MNAT1: variants seen among roughly 807,000 people sequenced by gnomAD.
MNAT1 encodes CDK-activating kinase assembly factor MAT1.
Under a neutral mutation model 42.0 loss-of-function variants are expected in MNAT1, and 43 were observed. The ratio of observed to expected loss-of-function variants is 1.02; its 90% confidence interval spans 0.80 to 1.32. The LOEUF is 1.32. MNAT1 is among the 40% of genes most tolerant of loss of function. MNAT1 has a pLI of 0.00. For missense variants in MNAT1, 306 were observed against 350.4 expected, an observed-to-expected ratio of 0.87 and a Z score of 1.01; for synonymous variants, 118 against 120.0, an observed-to-expected ratio of 0.98 and a Z score of 0.11.
At chr14:60,764,179 A>G (rs1594735329) in intron 1 of MNAT1, among the ~76,000 whole-genome samples, 1 of 152,202 alleles carries the variant, frequency 6.6e-6, no homozygotes, top group Non-Finnish European at 1.5e-5. Context: ...GTGGTATGAT[A>G]TATCTGTTAA....
chr14:60,936,216 C>CT (rs1225828249), intron 7 of MNAT1, among the ~76,000 whole-genome samples: 2 of 152,186 alleles, frequency 1.3e-5, no homozygotes, highest in South Asian at 2.1e-4. Flanking sequence ...CCGGAGACCC[C>CT]TTTTTTGTGT....
intron 6 of MNAT1, among the ~76,000 whole-genome samples, chr14:60,832,280 A>C (rs1566785646): frequency 1.3e-5 from 2 of 152,066 alleles, no homozygotes; most frequent in South Asian, 4.1e-4. Flanking sequence ...GATATTACCT[A>C]GGTTTTCTTT....
rs2139633926 is a variant in MNAT1, at chr14:60,969,875, C to A, written c.*1526C>A. 6.6e-6 allele frequency: 1 copy of A among 152,244 alleles called. No individual in the cohort carries two copies. Among genetic ancestry groups the A allele is most frequent in the East Asian group, 1.9e-4 (1 of 5,192 alleles). The allele number at this position is 152,244 out of a possible 1,614,324, so 9.4% of individuals were successfully genotyped here. On this transcript the variant is annotated 3_prime_UTR_variant, in exon 8 of 8. Coordinates refer to ENST00000261245, the MANE Select transcript of MNAT1 (RefSeq NM_002431.4). The stretch of plus-strand genomic sequence containing the variant: ...ACTAATTAATAAAACATATCAAAGG[C>A]TTTTAAGGCTTGTTTTGAGCCTGCC...
intron 6 of MNAT1, among the ~76,000 whole-genome samples, chr14:60,830,798 CT>C (rs781035081): frequency 0.011 from 1,486 of 135,126 alleles, 3 homozygotes; most frequent in Middle Eastern, 0.015. Context: ...CTTCTTCTGC[CT>C]TTTTTTTTTT....
chr14:60,762,565 G>T (rs1035373414), intron 1 of MNAT1, among the ~76,000 whole-genome samples: 6 of 151,882 alleles, frequency 4.0e-5, no homozygotes, highest in Non-Finnish European at 7.4e-5. Context: ...AATTAGCCAG[G>T]CATGGTGGTG....
intron 7 of MNAT1, among the ~76,000 whole-genome samples, chr14:60,936,997 T>C (rs1020347021): frequency 2.0e-5 from 3 of 151,740 alleles, no homozygotes; most frequent in African/African-American, 7.3e-5. Context: ...CATTTTTTCA[T>C]GTGTTTTTTG....
intron 7 of MNAT1, among the ~76,000 whole-genome samples, chr14:60,961,823 C>T (rs1238804798): frequency 6.6e-6 from 1 of 152,134 alleles, no homozygotes; most frequent in African/African-American, 2.4e-5. Context: ...ATAAATTACT[C>T]ATCCTGCCTT....
intron 1 of MNAT1, chr14:60,780,004 G>A (rs765251050): frequency 2.1e-5 from 33 of 1,567,042 alleles, no homozygotes; most frequent in Middle Eastern, 1.7e-4. Flanking sequence ...CCCGGGAGCA[G>A]GGAATCACCC....
Position 60,808,440 on chromosome 14 carries a change from A to G in MNAT1, c.420+12A>G. The G allele has an allele frequency of 2.8e-6, 4 of 1,436,188 alleles. No homozygotes were observed. Among genetic ancestry groups the G allele is most frequent in the Non-Finnish European group, 3.8e-6 (4 of 1,050,338 alleles). The allele number at this position is 1,436,188 out of a possible 1,614,324, so 89.0% of individuals were successfully genotyped here. ...ATAAATTAAAGCTGGTCGGTTGCTA[A>G]GTATTTTCTTCTTATTTTGTCTTAG... On this transcript the variant is annotated intron_variant, in intron 4 of 7. Transcript: ENST00000261245.
Position 60,909,677 on chromosome 14 carries a change from G to T in MNAT1, c.809+29842G>T, listed in dbSNP as rs548838521. Among the ~76,000 whole-genome samples the T allele has an allele frequency of 1.7e-3, 253 of 152,068 alleles. 1 individual carries two copies. Among genetic ancestry groups the T allele is most frequent in the African/African-American group, 5.4e-3 (223 of 41,466 alleles). On this transcript the variant is annotated intron_variant, in intron 7 of 7. Transcript: ENST00000261245. ...CTGAGGGCTCTGTTCTGTTCCATTG[G>T]TCTATATGTCTGTTTTGGTACCAGT...
intron 1 of MNAT1, among the ~76,000 whole-genome samples, chr14:60,783,711 C>A (rs548600164): frequency 6.6e-6 from 1 of 152,042 alleles, no homozygotes; most frequent in Non-Finnish European, 1.5e-5. Flanking sequence ...TTAGCCAGGA[C>A]GGTCTCGATC....
chr14:60,796,402 A>C, intron 2 of MNAT1, 33 bp downstream of exon 2: 1 of 1,586,678 alleles, frequency 6.3e-7, no homozygotes, highest in African/African-American at 1.3e-5. Context: ...TTCAGTCAAC[A>C]AAGAGGACTT....
At position 60,921,165 on chromosome 14, in the gene MNAT1, T is replaced by G. The variant is rs1426734519; in HGVS notation, c.809+41330T>G. On this transcript the variant is annotated intron_variant, in intron 7 of 7. Transcript: ENST00000261245. ...AGATGTTACATAAACTGTTGGAGATTGTCATTCACTCCTATTTTCAGAAAT... is the reference window on the plus strand; with the variant it reads ...AGATGTTACATAAACTGTTGGAGATGGTCATTCACTCCTATTTTCAGAAAT... 2.0e-5 allele frequency among the ~76,000 whole-genome samples: 3 copies of G among 152,196 alleles called. No individual in the cohort carries two copies. The East Asian group carries it at 5.8e-4, about 29-fold the overall frequency.
chr14:60,779,732 G>C (rs1383751960), intron 1 of MNAT1, among the ~76,000 whole-genome samples: 3 of 151,818 alleles, frequency 2.0e-5, no homozygotes, highest in Non-Finnish European at 4.4e-5. Flanking sequence ...ATTGCAGTGA[G>C]CCGAGATCGC....
rs2036738720 is a variant in MNAT1, at chr14:60,969,292, G to GAT, written c.*946_*947dup. The GAT allele has an allele frequency of 1.3e-5, 2 of 152,148 alleles. No individual in the cohort carries two copies. The highest frequency in any genetic ancestry group is 2.4e-5 in the African/African-American group (1 of 41,446). 9.4% of individuals were successfully genotyped at this position (152,148 alleles called of 1,614,324 possible). On this transcript the variant is annotated 3_prime_UTR_variant, in exon 8 of 8. Coordinates refer to ENST00000261245, the MANE Select transcript of MNAT1 (RefSeq NM_002431.4). ...TATGAGTCTGTTACATAGAGCATTG[G>GAT]ATATGGGATATAGTTTCTTAAGGAA... is the stretch of plus-strand genomic sequence containing the variant.
chr14:60,947,789 T>C (rs962028522), intron 7 of MNAT1, among the ~76,000 whole-genome samples: 3 of 152,252 alleles, frequency 2.0e-5, no homozygotes, highest in Admixed American at 6.5e-5. Context: ...TACCTGTGTC[T>C]GACCAGTACT....
intron 7 of MNAT1, among the ~76,000 whole-genome samples, chr14:60,916,164 C>G (rs1199831425): frequency 6.6e-6 from 1 of 152,168 alleles, no homozygotes; most frequent in African/African-American, 2.4e-5. Flanking sequence ...TATGAGCTTG[C>G]TACTGTTGTT....
At chr14:60,895,560 T>C (rs767646105) in intron 7 of MNAT1, among the ~76,000 whole-genome samples, 2 of 152,220 alleles carry the variant, frequency 1.3e-5, no homozygotes, top group Non-Finnish European at 2.9e-5. Context: ...TTCCTTATTG[T>C]AACAAAATTT....
intron 7 of MNAT1, among the ~76,000 whole-genome samples, chr14:60,930,288 G>A (rs1268656101): frequency 1.4e-5 from 2 of 147,944 alleles, no homozygotes; most frequent in South Asian, 2.1e-4. Flanking sequence ...TCTAAGTCTG[G>A]GAACATCTCT....
Sources: gnomAD v4.1 joint callset for allele counts (sites outside exome capture counted in the v4.1 genomes callset) on GRCh38, gnomAD v4.1.1 for gene constraint, MANE v1.5 for transcripts, NCBI Gene and HGNC (gene_info 2026-07-23, HGNC 2026-07-21) for gene names.